SRP19: variants seen among roughly 807,000 people sequenced by gnomAD.
SRP19 encodes the protein signal recognition particle 19.
In SRP19, 11 loss-of-function variants were observed where a neutral mutation model predicts 22.4. The observed-to-expected ratio is 0.49, with a 90% CI of 0.31 to 0.81. The LOEUF (loss-of-function observed/expected upper bound fraction) is 0.81. SRP19 is among the 40% of genes least tolerant of loss of function. SRP19 has a pLI of 0.05. For missense variants in SRP19, 168 were observed against 175.9 expected (o/e 0.96, Z 0.25); for synonymous variants, 61 against 57.6 (o/e 1.06, Z -0.27).
At position 112,864,741 on chromosome 5, in the gene SRP19, G is replaced by A. The variant is rs1463565864; in HGVS notation, c.301+9G>A. 6.3e-7 allele frequency: 1 copy of A among 1,597,340 alleles called. No homozygotes were observed. Among genetic ancestry groups the A allele is most frequent in the South Asian group, 1.1e-5 (1 of 89,002 alleles). Reference sequence around the variant, plus strand: ...TGTACAGTTCCCATCACGTAAGCTTGTTTAAATGAATCAGTGGGGCTCAGG... The same window carrying A: ...TGTACAGTTCCCATCACGTAAGCTTATTTAAATGAATCAGTGGGGCTCAGG... On this transcript the variant is annotated intron_variant, in intron 4 of 4. Coordinates refer to ENST00000505459, the MANE Select transcript of SRP19 (RefSeq NM_003135.3).
chr5:112,867,553 A>G lies in SRP19; in HGVS notation c.*16A>G. 1 of 1,599,552 alleles carries G rather than the reference A, an allele frequency of 6.3e-7. No individual in the cohort carries two copies. ...AAAGAAGTAACCTAGTATCAGCATC[A>G]AGTATGTGGTACTACTGTAAGAGAC... is the stretch of plus-strand genomic sequence containing the variant. On this transcript the variant is annotated 3_prime_UTR_variant, in exon 5 of 5. Coordinates refer to ENST00000505459, the MANE Select transcript of SRP19 (RefSeq NM_003135.3).
chr5:112,871,243 A>ATTTTTTTTTTTTTTTTTTT (rs10592964), downstream of SRP19, among the ~76,000 whole-genome samples: 1 of 93,934 alleles, frequency 1.1e-5, no homozygotes, highest in African/African-American at 4.8e-5. Context: ...CAATCAGTGA[A>ATTTTTTTTTTTTTTTTTTT]TTTTTTTTTT....
downstream of SRP19, chr5:112,894,807 G>T (rs567813553): frequency 6.6e-6 from 1 of 152,240 alleles, no homozygotes; most frequent in Admixed American, 6.5e-5. Flanking sequence ...TAAAATAGTG[G>T]AAAATAAGCT....
intron 4 of SRP19, among the ~76,000 whole-genome samples, chr5:112,875,939 C>T (rs1767883794): frequency 1.3e-5 from 2 of 151,378 alleles, no homozygotes; most frequent in Non-Finnish European, 1.5e-5. Flanking sequence ...CCCAGCTACT[C>T]GGGAGGCTGA....
In SRP19 at chr5:112,864,695, G is replaced by A. The variant is rs766883481; in HGVS notation, c.264G>A (p.Gln88=). The change falls in exon 4 of 5, where the codon CAG becomes CAA. Residue 88 remains glutamine, a synonymous_variant. Coordinates refer to ENST00000505459, the MANE Select transcript of SRP19 (RefSeq NM_003135.3). ...GCAGAGTCCGGGTCCAGCTCAAACA[G>A]GAAGATGGGAGCCTCTGCCTTGTAC... The part of the protein sequence containing the change: ...YRGRVRVQLK[Q]EDGSLCLVQF... 6.2e-7 allele frequency: 1 copy of A among 1,614,104 alleles called. No individual in the cohort carries two copies. Among genetic ancestry groups the A allele is most frequent in the South Asian group, 1.1e-5 (1 of 91,072 alleles).
rs779839064 is a variant in SRP19, at chr5:112,892,998, A to G, written c.*1391A>G. On this transcript the variant is annotated 3_prime_UTR_variant, in exon 5 of 5. Coordinates refer to the SRP19 transcript ENST00000391338. ...GCAGGAGCCACCGCAGCCGGAGCCA[A>G]AGTTCCTCTAGGTGCCGAAGTCGTG... The G allele has an allele frequency of 1.8e-5, 29 of 1,577,344 alleles. No homozygotes were observed. The African/African-American group carries it at 3.1e-4, about 17-fold the overall frequency.
rs778631194 is a variant in SRP19 at position 112,864,620 on chromosome 5, G to C, written c.190-1G>C. ...TTTTTCTTTTGTTTCGTTTATGTTAGAAAAATAAAATGTACTCTAGAGAAT... is the reference window on the plus strand; with the variant it reads ...TTTTTCTTTTGTTTCGTTTATGTTACAAAAATAAAATGTACTCTAGAGAAT... On this transcript the variant is annotated splice_acceptor_variant, in intron 3 of 4. Transcript: ENST00000505459. LOFTEE classifies it high-confidence loss of function. 8.1e-6 allele frequency: 13 copies of C among 1,613,542 alleles called. No homozygotes were observed. Among genetic ancestry groups the C allele is most frequent in the Non-Finnish European group, 1.0e-5 (12 of 1,179,766 alleles).
downstream of SRP19, among the ~76,000 whole-genome samples, chr5:112,871,651 G>A (rs553499704): frequency 2.6e-4 from 40 of 152,138 alleles, no homozygotes; most frequent in African/African-American, 9.4e-4. Flanking sequence ...CCAGCTACTC[G>A]GGAGGCTGAG....
chr5:112,861,646 T>G (rs1767402824), intron 1 of SRP19, among the ~76,000 whole-genome samples: 1 of 152,264 alleles, frequency 6.6e-6, no homozygotes, highest in Non-Finnish European at 1.5e-5. Context: ...CTAGTGTTTA[T>G]CTGTACGCGA....
At chr5:112,895,267 G>A (rs1232427884), downstream of SRP19, 2 of 128,452 alleles carry the variant, frequency 1.6e-5, no homozygotes, top group South Asian at 5.4e-4. Context: ...AATCAGGAGA[G>A]GTGGGGTGTG....
At chr5:112,891,074 T>A (rs1308810009) in intron 4 of SRP19, among the ~76,000 whole-genome samples, 1 of 150,126 alleles carries the variant, frequency 6.7e-6, no homozygotes, top group Non-Finnish European at 1.5e-5. Flanking sequence ...AAATATTTAT[T>A]TTTATTTTTT....
downstream of SRP19, among the ~76,000 whole-genome samples, chr5:112,870,588 G>T (rs558782503): frequency 1.3e-5 from 2 of 152,250 alleles, no homozygotes; most frequent in South Asian, 4.1e-4. Context: ...GCCATATTTT[G>T]GATGTCCCCT....
intron 4 of SRP19, chr5:112,878,572 C>T (rs951145495): frequency 4.8e-5 from 28 of 586,624 alleles, no homozygotes; most frequent in Non-Finnish European, 6.1e-5. Flanking sequence ...TTTCCAAAAA[C>T]GTGGACACTG....
chr5:112,871,837 T>G (rs1372369848), downstream of SRP19, among the ~76,000 whole-genome samples: 2 of 152,148 alleles, frequency 1.3e-5, no homozygotes, highest in Non-Finnish European at 2.9e-5. Flanking sequence ...TCTCAAGTGG[T>G]TGGGACTAGA....
At chr5:112,887,015 C>T in intron 4 of SRP19, 1 of 1,598,854 alleles carries the variant, frequency 6.3e-7, no homozygotes, top group Non-Finnish European at 8.6e-7. Context: ...TGAGTCTTAC[C>T]TTCTTTAGTG....
chr5:112,893,855 A>C (rs565239245), downstream of SRP19: 56 of 152,370 alleles, frequency 3.7e-4, no homozygotes, highest in African/African-American at 1.2e-3. Context: ...TAGTTTTCCC[A>C]GCAACTCTGC....
exon 5 of SRP19, chr5:112,892,504 C>T (rs760918238): frequency 6.2e-7 from 1 of 1,614,192 alleles, no homozygotes; most frequent in Admixed American, 1.7e-5. Flanking sequence ...CCAAGCAGCC[C>T]TTTCTCTGTT....
At chr5:112,879,641 T>C (rs1206176156) in intron 4 of SRP19, among the ~76,000 whole-genome samples, 1 of 151,146 alleles carries the variant, frequency 6.6e-6, no homozygotes, top group Non-Finnish European at 1.5e-5. Flanking sequence ...GCCCAGCTAA[T>C]TTTTTTTTGT....
At position 112,861,413 on chromosome 5, in the gene SRP19, G is replaced by A. The variant is rs772612216; in HGVS notation, c.37G>A (p.Asp13Asn). The A allele has an allele frequency of 2.5e-6, 4 of 1,613,912 alleles. No individual in the cohort carries two copies. Among genetic ancestry groups the A allele is most frequent in the African/African-American group, 1.3e-5 (1 of 74,948 alleles). ...TGCCGCGCGGTCCCCGGCCGACCAG[G>A]ACAGGTGGGTTCTGAGGCGGTGGGT... ...CAAARSPADQ[D>N]RFICIYPAYL... Residue 13 changes from aspartate (D) to asparagine (N), a missense_variant, in exon 1 of 5, where the codon GAC becomes AAC. Transcript: ENST00000505459.
Sources: allele counts gnomAD v4.1 joint callset (sites outside exome capture counted in the v4.1 genomes callset), GRCh38; gene constraint gnomAD v4.1.1; transcripts MANE v1.5; gene names NCBI Gene and HGNC (gene_info 2026-07-23, HGNC 2026-07-21).